The following STX3 variants were observed in gnomAD, a reference collection of about 807,000 sequenced individuals.
STX3 encodes the protein syntaxin-3.
In STX3, 19 loss-of-function variants were observed where a neutral mutation model predicts 40.2. That is an observed-to-expected ratio of 0.47 (90% CI 0.33 to 0.69). The LOEUF (loss-of-function observed/expected upper bound fraction) is 0.69, where lower values mean the gene tolerates loss of function less well. Among genes scored for constraint, STX3 ranks in the 30% least tolerant of loss-of-function variants. The pLI is 0.02. For synonymous variants in STX3, 122 were observed against 132.2 expected (o/e 0.92, Z 0.53); for missense variants, 364 against 366.7 (o/e 0.99, Z 0.06).
At chr11:59,754,833 A>G (rs1862624802), upstream of STX3, 2 of 152,164 alleles carry the variant, frequency 1.3e-5, no homozygotes, top group Non-Finnish European at 1.5e-5. Context: ...CCGATTTCCA[A>G]CAAGCAAAAG....
At chr11:59,789,928 CTTAG>C (rs943786802) in intron 4 of STX3, among the ~76,000 whole-genome samples, 6 of 152,154 alleles carry the variant, frequency 3.9e-5, no homozygotes, top group African/African-American at 1.4e-4. Context: ...AGAAGGTTTA[CTTAG>C]TTCTGTTGCT....
intron 9 of STX3, among the ~76,000 whole-genome samples, chr11:59,796,756 T>C (rs1865539415): frequency 6.6e-6 from 1 of 152,218 alleles, no homozygotes; most frequent in South Asian, 2.1e-4. Context: ...AGCTGAGAGC[T>C]GAGAGAGGCC....
intron 1 of STX3, among the ~76,000 whole-genome samples, chr11:59,758,649 C>T (rs1862864679): frequency 6.6e-6 from 1 of 152,222 alleles, no homozygotes. Context: ...TCCTGGTGGG[C>T]TCCCTCGACA....
Position 59,755,410 on chromosome 11 carries a change from G to A in STX3, c.-196G>A, listed in dbSNP as rs945624041. ...GCGCGAGGCGCCGGTGGGGGCGGAG[G>A]GGGCTGCGCGGCGGAGGCTCCCGTG... is the stretch of plus-strand genomic sequence containing the variant. On this transcript the variant is annotated 5_prime_UTR_variant, in exon 1 of 11. Transcript: ENST00000337979. The A allele has an allele frequency of 1.6e-5, 7 of 444,438 alleles. No homozygotes were observed. The highest frequency in any genetic ancestry group is 1.4e-4 in the Admixed American group (3 of 21,662). 27.5% of individuals were successfully genotyped at this position (444,438 alleles called of 1,614,324 possible).
At chr11:59,781,723 T>C (rs1864395289) in intron 2 of STX3, 2 of 1,589,272 alleles carry the variant, frequency 1.3e-6, no homozygotes, top group South Asian at 2.3e-5. Flanking sequence ...GTGGCCATGG[T>C]GGGTGCGGGC....
chr11:59,778,187 A>G (rs75543820), intron 2 of STX3, among the ~76,000 whole-genome samples: 15,812 of 152,160 alleles, frequency 0.1, 1,151 homozygotes, highest in African/African-American at 0.2. Flanking sequence ...GCCAGATTAA[A>G]AGAGCGGTAC....
Position 59,803,013 on chromosome 11 carries a change from C to A in STX3, c.*2189C>A. 1.0e-6 allele frequency: 1 copy of A among 985,360 alleles called. No homozygotes were observed. The highest frequency in any genetic ancestry group is 1.2e-6 in the Non-Finnish European group (1 of 829,932). 61.0% of individuals were successfully genotyped at this position (985,360 alleles called of 1,614,324 possible). A position where few individuals can be genotyped will look rare whatever the true frequency, so the allele number is the denominator to read the frequency against. On this transcript the variant is annotated 3_prime_UTR_variant, in exon 11 of 11. Transcript: ENST00000337979. ...AAGGTGGAATGACCATACCAAACAT[C>A]CTTTTAATCTAACTTGAATGTCTCA...
In STX3 at chr11:59,801,837, A is replaced by G. The variant is rs1193238885; in HGVS notation, c.*1013A>G. 2 of 985,530 alleles carry G rather than the reference A, an allele frequency of 2.0e-6. No individual in the cohort carries two copies. Among genetic ancestry groups the G allele is most frequent in the Non-Finnish European group, 2.4e-6 (2 of 829,906 alleles). The allele number at this position is 985,530 out of a possible 1,614,324, so 61.0% of individuals were successfully genotyped here. The stretch of plus-strand genomic sequence containing the variant: ...ATTATGACCTCAAAAAAAAAAAGCC[A>G]ACTTTGAGCTAGGATAAAAATTGGG... On this transcript the variant is annotated 3_prime_UTR_variant, in exon 11 of 11. Transcript: ENST00000337979.
At chr11:59,768,446 T>C (rs1590760499) in intron 1 of STX3, among the ~76,000 whole-genome samples, 1 of 152,288 alleles carries the variant, frequency 6.6e-6, no homozygotes, top group African/African-American at 2.4e-5. Flanking sequence ...TGTGTTTGAA[T>C]AGCAGAGGAG....
At chr11:59,768,216 A>G (rs958035111) in intron 1 of STX3, among the ~76,000 whole-genome samples, 6 of 152,226 alleles carry the variant, frequency 3.9e-5, no homozygotes, top group African/African-American at 1.4e-4. Flanking sequence ...GTAGGCATGC[A>G]GTCACATTGC....
intron 2 of STX3, among the ~76,000 whole-genome samples, chr11:59,781,947 T>C (rs1488856687): frequency 6.6e-6 from 1 of 152,162 alleles, no homozygotes; most frequent in African/African-American, 2.4e-5. Context: ...AATACGTAAA[T>C]ATGCAGCAAT....
At chr11:59,763,304 C>G (rs1174918443) in intron 1 of STX3, among the ~76,000 whole-genome samples, 1 of 152,096 alleles carries the variant, frequency 6.6e-6, no homozygotes, top group Non-Finnish European at 1.5e-5. Flanking sequence ...ATTAACCTTC[C>G]TAGCCACAGA....
chr11:59,790,723 A>G lies in STX3; in HGVS notation c.357+137A>G, dbSNP rs540108767. On this transcript the variant is annotated intron_variant, in intron 5 of 10. Coordinates refer to ENST00000337979, the MANE Select transcript of STX3 (RefSeq NM_004177.5). ...AAGACCTGGTAAAGGAGAACTCTCCAGGTTGAAATAGGGGTCAGGGCCAGA... is the reference window on the plus strand; with the variant it reads ...AAGACCTGGTAAAGGAGAACTCTCCGGGTTGAAATAGGGGTCAGGGCCAGA... The G allele has an allele frequency of 1.2e-5, 8 of 670,658 alleles. No individual in the cohort carries two copies. The African/African-American group carries it at 1.5e-4, about 12-fold the overall frequency. The allele number at this position is 670,658 out of a possible 1,614,324, so 41.5% of individuals were successfully genotyped here.
Position 59,755,553 on chromosome 11 carries a change from G to C in STX3, c.-53G>C. 1 of 1,578,988 alleles carries C rather than the reference G, an allele frequency of 6.3e-7. No individual in the cohort carries two copies. Among genetic ancestry groups the C allele is most frequent in the Non-Finnish European group, 8.6e-7 (1 of 1,168,584 alleles). ...CAGCTCACCTGGGAAGCGCTCACCT[G>C]GGACGCGCTCACCTGGGACGCGCTA... On this transcript the variant is annotated 5_prime_UTR_variant, in exon 1 of 11. Coordinates refer to ENST00000337979, the MANE Select transcript of STX3 (RefSeq NM_004177.5).
intron 1 of STX3, among the ~76,000 whole-genome samples, chr11:59,757,339 G>A (rs1231747315): frequency 6.6e-6 from 1 of 152,132 alleles, no homozygotes; most frequent in Non-Finnish European, 1.5e-5. Flanking sequence ...CCATAAAAAA[G>A]TACAAAACTG....
Position 59,793,432 on chromosome 11 carries a change from A to G in STX3, c.593A>G (p.His198Arg), listed in dbSNP as rs769517275. ...GCCCTCAGTGAGATTGAGGGACGACACAAGGACATTGTGAGGCTGGAGAGC... is the reference window on the plus strand; with the variant it reads ...GCCCTCAGTGAGATTGAGGGACGACGCAAGGACATTGTGAGGCTGGAGAGC... Reference protein sequence around the residue: ...KQALSEIEGRHKDIVRLESSI... With the variant: ...KQALSEIEGRRKDIVRLESSI... The change falls in exon 8 of 11, where the codon CAC becomes CGC. Residue 198 changes from histidine to arginine, a missense_variant. Coordinates refer to ENST00000337979, the MANE Select transcript of STX3 (RefSeq NM_004177.5). 1 of 1,614,210 alleles carries G rather than the reference A, an allele frequency of 6.2e-7. No individual in the cohort carries two copies. The highest frequency in any genetic ancestry group is 8.5e-7 in the Non-Finnish European group (1 of 1,180,036).
At chr11:59,781,735 G>C (rs1022350797) in intron 2 of STX3, 163 of 1,580,614 alleles carry the variant, frequency 1.0e-4, no homozygotes, top group Non-Finnish European at 1.3e-4. Context: ...GGTGCGGGCG[G>C]GCTGGCGTGC....
intron 2 of STX3, among the ~76,000 whole-genome samples, chr11:59,779,191 G>A (rs993516342): frequency 6.6e-5 from 10 of 152,128 alleles, no homozygotes; most frequent in South Asian, 2.1e-4. Context: ...AGAAAGTACC[G>A]TAGACTGAAT....
intron 2 of STX3, among the ~76,000 whole-genome samples, chr11:59,784,615 G>T (rs1431444498): frequency 2.0e-5 from 3 of 152,230 alleles, no homozygotes. Flanking sequence ...AGAGGTCAAG[G>T]AGGAGCAAGT....
Sources: allele counts gnomAD v4.1 joint callset (sites outside exome capture counted in the v4.1 genomes callset), GRCh38; gene constraint gnomAD v4.1.1; transcripts MANE v1.5; gene names NCBI Gene and HGNC (gene_info 2026-07-23, HGNC 2026-07-21).